ADCY8: variants seen among roughly 807,000 people sequenced by gnomAD.
The protein encoded by ADCY8 is adenylate cyclase 8, also known as adenylate cyclase type 8.
ADCY8 carries 51 observed loss-of-function variants against 119.7 expected under a neutral mutation model. The observed-to-expected ratio is 0.43, with a 90% CI of 0.34 to 0.54. The LOEUF (loss-of-function observed/expected upper bound fraction) is 0.54. Among genes scored for constraint, ADCY8 ranks in the 20% least tolerant of loss-of-function variants. The probability of loss-of-function intolerance (pLI) is 0.03; values close to 1 mark genes in which losing one functional copy is unlikely to be tolerated. For synonymous variants in ADCY8, 665 were observed against 651.0 expected, an observed-to-expected ratio of 1.02 and a Z score of -0.33; for missense variants, 1,383 against 1,598.8, an observed-to-expected ratio of 0.87 and a Z score of 2.30.
intron 2 of ADCY8, among the ~76,000 whole-genome samples, chr8:130,969,608 C>A (rs1247050868): frequency 6.6e-6 from 1 of 152,186 alleles, no homozygotes; most frequent in Non-Finnish European, 1.5e-5. Flanking sequence ...TTCCTGGCCA[C>A]AATGATTTGC....
intron 14 of ADCY8, among the ~76,000 whole-genome samples, chr8:130,807,863 A>G (rs56222724): frequency 0.28 from 39,027 of 140,810 alleles, 5,411 homozygotes; most frequent in Middle Eastern, 0.4. Context: ...GGGCGCCTGT[A>G]GTCCCAGCTA....
chr8:131,009,244 T>G (rs2210061), intron 1 of ADCY8, among the ~76,000 whole-genome samples: 65,871 of 152,020 alleles, frequency 0.43, 14,611 homozygotes, highest in East Asian at 0.63. Flanking sequence ...ACAAATGGTT[T>G]CCTGGGGTAG....
intron 5 of ADCY8, among the ~76,000 whole-genome samples, chr8:130,934,966 T>G (rs1820740598): frequency 6.6e-6 from 1 of 152,226 alleles, no homozygotes; most frequent in African/African-American, 2.4e-5. Context: ...ATCCCTTAAA[T>G]GAGGCATAAG....
At chr8:130,833,931 A>G (rs1324120602) in intron 12 of ADCY8, among the ~76,000 whole-genome samples, 1 of 152,198 alleles carries the variant, frequency 6.6e-6, no homozygotes. Flanking sequence ...GTCAAAGGAT[A>G]CAAAATTTTA....
intron 1 of ADCY8, among the ~76,000 whole-genome samples, chr8:131,005,262 G>A (rs1823078075): frequency 1.3e-5 from 2 of 152,194 alleles, no homozygotes; most frequent in Admixed American, 6.5e-5. Flanking sequence ...TGGAAGCGCT[G>A]TCTACAAAAT....
intron 15 of ADCY8, among the ~76,000 whole-genome samples, chr8:130,788,713 T>G (rs917133401): frequency 1.3e-5 from 2 of 152,204 alleles, no homozygotes; most frequent in Admixed American, 6.5e-5. Context: ...ACATATTATA[T>G]ACATGTATCA....
intron 14 of ADCY8, among the ~76,000 whole-genome samples, chr8:130,808,063 C>G (rs1816033306): frequency 7.5e-6 from 1 of 132,688 alleles, no homozygotes; most frequent in South Asian, 2.7e-4. Context: ...CACAAACAAA[C>G]TAAGATACCA....
intron 9 of ADCY8, among the ~76,000 whole-genome samples, chr8:130,851,615 A>G (rs1222596225): frequency 6.6e-6 from 1 of 152,206 alleles, no homozygotes; most frequent in Non-Finnish European, 1.5e-5. Flanking sequence ...TGTTCAGAAG[A>G]GTTAAATAGT....
At chr8:130,993,200 C>G (rs1043832044) in intron 1 of ADCY8, among the ~76,000 whole-genome samples, 15 of 152,064 alleles carry the variant, frequency 9.9e-5, no homozygotes, top group Admixed American at 6.5e-5. Context: ...AAGGGCATTA[C>G]TAGAGATAAG....
chr8:130,855,618 G>A (rs1472992697), intron 9 of ADCY8, among the ~76,000 whole-genome samples: 3 of 139,368 alleles, frequency 2.2e-5, no homozygotes, highest in African/African-American at 8.1e-5. Context: ...GCCCAGGCCC[G>A]CTGGGAAGTG....
In ADCY8 at chr8:130,800,466, C is replaced by A; in HGVS notation, c.3020G>T (p.Cys1007Phe). ...AATGATCTCATTGAGCAAGCGCAGG[C>A]ATTCCACTCCCTGGTTATTCATTTC... ...QTEMNNQGVE[C>F]LRLLNEIIAD... Residue 1007 changes from cysteine to phenylalanine, a missense_variant, in exon 15 of 18, where the codon TGC becomes TTC. Cys to Phe is a radical substitution (Grantham distance 205). Coordinates refer to ENST00000286355, the MANE Select transcript of ADCY8 (RefSeq NM_001115.3). 1 of 1,614,214 alleles carries A rather than the reference C, an allele frequency of 6.2e-7. No individual in the cohort carries two copies. Among genetic ancestry groups the A allele is most frequent in the Non-Finnish European group, 8.5e-7 (1 of 1,180,038 alleles).
chr8:130,900,408 G>T (rs1251430290), intron 7 of ADCY8, among the ~76,000 whole-genome samples: 1 of 152,270 alleles, frequency 6.6e-6, no homozygotes, highest in East Asian at 1.9e-4. Flanking sequence ...GGGTGGAACT[G>T]GAGTTCTTGG....
At chr8:130,823,372 T>C (rs565241681) in intron 12 of ADCY8, among the ~76,000 whole-genome samples, 1 of 152,138 alleles carries the variant, frequency 6.6e-6, no homozygotes, top group African/African-American at 2.4e-5. Flanking sequence ...AATTAGAAAG[T>C]TTTTATTTTT....
At chr8:130,880,257 A>G (rs541826009) in intron 8 of ADCY8, among the ~76,000 whole-genome samples, 1 of 152,328 alleles carries the variant, frequency 6.6e-6, no homozygotes, top group African/African-American at 2.4e-5. Context: ...ACACTCATGT[A>G]AGACCAGAAT....
At chr8:130,952,397 A>C (rs1821301264) in intron 2 of ADCY8, among the ~76,000 whole-genome samples, 4 of 152,246 alleles carry the variant, frequency 2.6e-5, no homozygotes, top group Admixed American at 2.6e-4. Flanking sequence ...TTACCAAGGA[A>C]CTGATATTTA....
At chr8:130,891,240 C>T (rs1175692348) in intron 7 of ADCY8, among the ~76,000 whole-genome samples, 2 of 152,038 alleles carry the variant, frequency 1.3e-5, no homozygotes, top group African/African-American at 4.8e-5. Flanking sequence ...GGCAGAGGTT[C>T]CACCTTTCAG....
At chr8:130,877,370 T>C (rs746498574) in intron 8 of ADCY8, among the ~76,000 whole-genome samples, 1 of 151,844 alleles carries the variant, frequency 6.6e-6, no homozygotes, top group Non-Finnish European at 1.5e-5. Context: ...CCCAATGGAG[T>C]GGACACAAAC....
intron 14 of ADCY8, among the ~76,000 whole-genome samples, chr8:130,805,360 C>G (rs1436413563): frequency 6.6e-6 from 1 of 152,066 alleles, no homozygotes; most frequent in African/African-American, 2.4e-5. Flanking sequence ...ATAATTATAG[C>G]AACAACAACA....
At position 130,992,412 on chromosome 8, in the gene ADCY8, TA is replaced by T. The variant is rs1563759101; in HGVS notation, c.961-1871del. Reference sequence around the variant, plus strand: ...ATATATATATATATATATATATATATATATATATATATATATATTTGAGATA... The same window carrying T: ...ATATATATATATATATATATATATATTATATATATATATATATTTGAGATA... On this transcript the variant is annotated intron_variant, in intron 1 of 17. Transcript: ENST00000286355. Among the ~76,000 whole-genome samples the T allele has an allele frequency of 2.5e-3, 305 of 121,250 alleles. 15 individuals are homozygous for T. Among genetic ancestry groups the T allele is most frequent in the African/African-American group, 0.01 (279 of 27,258 alleles). The allele number at this position is 121,250 out of a possible 152,430, so 79.5% of individuals were successfully genotyped here.
Sources: gnomAD v4.1 joint callset for allele counts (sites outside exome capture counted in the v4.1 genomes callset) on GRCh38, gnomAD v4.1.1 for gene constraint, MANE v1.5 for transcripts, NCBI Gene and HGNC (gene_info 2026-07-23, HGNC 2026-07-21) for gene names.